PTPRT: variants seen among roughly 807,000 people sequenced by gnomAD.
PTPRT encodes the protein protein tyrosine phosphatase receptor type T, also known as receptor-type tyrosine-protein phosphatase T.
A neutral mutation model predicts 176.8 loss-of-function variants in PTPRT; 56 were observed. That is an observed-to-expected ratio of 0.32 (90% CI 0.26 to 0.40). The LOEUF is 0.40. PTPRT is among the 10% of genes least tolerant of loss of function. The pLI, the probability that PTPRT is intolerant of heterozygous loss-of-function variation, is 1.00. For synonymous variants in PTPRT, 783 were observed against 739.0 expected, an observed-to-expected ratio of 1.06 and a Z score of -0.96; for missense variants, 1,540 against 1,908.2, an observed-to-expected ratio of 0.81 and a Z score of 3.60.
intron 21 of PTPRT, 143 bp downstream of exon 21, chr20:42,118,260 T>C (rs567753267): frequency 3.0e-5 from 17 of 565,506 alleles, no homozygotes; most frequent in Non-Finnish European, 4.8e-5. Flanking sequence ...GAATGTGGAA[T>C]AGGAGTGATG....
chr20:42,932,823 T>C (rs1404906780), intron 1 of PTPRT, among the ~76,000 whole-genome samples: 4 of 152,192 alleles, frequency 2.6e-5, no homozygotes, highest in African/African-American at 9.7e-5. Flanking sequence ...TCAACAGGCG[T>C]CTACTGCCTT....
chr20:42,385,534 A>G (rs1032811134), intron 9 of PTPRT, among the ~76,000 whole-genome samples: 1 of 152,220 alleles, frequency 6.6e-6, no homozygotes, highest in Non-Finnish European at 1.5e-5. Flanking sequence ...TCTGATATAC[A>G]AGGCTGTACT....
rs113292670 is a variant in PTPRT, at chr20:42,467,429, G to T, written c.1450+4837C>A. 3.5e-3 allele frequency among the ~76,000 whole-genome samples: 540 copies of T among 152,172 alleles called. 4 individuals are homozygous for T. Among genetic ancestry groups the T allele is most frequent in the African/African-American group, 0.012 (493 of 41,504 alleles). ...CAAAATACAATGAGAAATATACATC[G>T]CCAACATAATGGTTTTGCCAAAGAT... On this transcript the variant is annotated intron_variant, in intron 8 of 30. Transcript: ENST00000373187.
chr20:42,282,049 C>T (rs1202553476), intron 13 of PTPRT, among the ~76,000 whole-genome samples: 1 of 151,956 alleles, frequency 6.6e-6, no homozygotes, highest in Non-Finnish European at 1.5e-5. Flanking sequence ...TACTAAAGGC[C>T]CCAGTACTAA....
intron 1 of PTPRT, among the ~76,000 whole-genome samples, chr20:43,163,873 T>C (rs1235054413): frequency 1.3e-5 from 2 of 152,194 alleles, no homozygotes; most frequent in African/African-American, 4.8e-5. Context: ...AACCTCTCCT[T>C]TACGAAATGT....
rs553454553 is a variant in PTPRT at position 42,091,990 on chromosome 20, G to A, written c.3847-6137C>T. ...CTTACCTACAGAAGAGTCTTGGGGT[G>A]GGAGGCAAGGCTCAGAGCAGGTTTA... On this transcript the variant is annotated intron_variant, in intron 27 of 30. Coordinates refer to ENST00000373187, the MANE Select transcript of PTPRT (RefSeq NM_007050.6). 6.9e-4 allele frequency among the ~76,000 whole-genome samples: 105 copies of A among 152,310 alleles called. 1 individual carries two copies. Among genetic ancestry groups the A allele is most frequent in the Admixed American group, 2.6e-3 (39 of 15,290 alleles).
intron 7 of PTPRT, among the ~76,000 whole-genome samples, chr20:42,520,567 A>T (rs574458536): frequency 2.3e-4 from 35 of 151,800 alleles, no homozygotes; most frequent in African/African-American, 8.0e-4. Context: ...CTACTCTCCA[A>T]TTTTCCCAGT....
intron 1 of PTPRT, among the ~76,000 whole-genome samples, chr20:42,906,073 C>A (rs1352948671): frequency 6.6e-6 from 1 of 151,998 alleles, no homozygotes; most frequent in African/African-American, 2.4e-5. Context: ...AAAAAAAGAA[C>A]CAAAACAAAA....
chr20:42,162,183 T>G (rs1989631638), intron 16 of PTPRT, among the ~76,000 whole-genome samples: 1 of 152,182 alleles, frequency 6.6e-6, no homozygotes, highest in Non-Finnish European at 1.5e-5. Flanking sequence ...TTGTATAGTT[T>G]CCCCATCACT....
chr20:42,388,129 A>T (rs1358415603), intron 9 of PTPRT, among the ~76,000 whole-genome samples: 2 of 152,146 alleles, frequency 1.3e-5, no homozygotes, highest in African/African-American at 4.8e-5. Flanking sequence ...ACAGTCCCCA[A>T]AATAAAGACT....
chr20:43,102,528 C>T (rs980632688), intron 1 of PTPRT, among the ~76,000 whole-genome samples: 10 of 152,108 alleles, frequency 6.6e-5, no homozygotes, highest in Admixed American at 3.3e-4. Flanking sequence ...GTCAGTGAGC[C>T]GCCCACCTCC....
At chr20:42,231,007 C>T (rs946136438) in intron 15 of PTPRT, among the ~76,000 whole-genome samples, 1 of 152,196 alleles carries the variant, frequency 6.6e-6, no homozygotes, top group Non-Finnish European at 1.5e-5. Flanking sequence ...GTGCCCTCAG[C>T]TCTGACTCCT....
intron 6 of PTPRT, among the ~76,000 whole-genome samples, chr20:42,722,517 G>A (rs561167584): frequency 5.3e-5 from 8 of 152,266 alleles, no homozygotes; most frequent in African/African-American, 1.9e-4. Flanking sequence ...CAAAAGAAAT[G>A]CCTGTCGATT....
At chr20:42,698,096 T>G (rs1368848188) in intron 6 of PTPRT, among the ~76,000 whole-genome samples, 1 of 152,164 alleles carries the variant, frequency 6.6e-6, no homozygotes, top group Non-Finnish European at 1.5e-5. Flanking sequence ...GAACTTCCTC[T>G]CCTACCTTTG....
chr20:42,579,690 G>A (rs186729879), intron 7 of PTPRT, among the ~76,000 whole-genome samples: 1 of 152,184 alleles, frequency 6.6e-6, no homozygotes, highest in East Asian at 1.9e-4. Context: ...ATGTCTTTTG[G>A]CTGCAAAAAT....
chr20:42,192,594 T>C (rs1991043404), intron 16 of PTPRT, among the ~76,000 whole-genome samples: 1 of 152,196 alleles, frequency 6.6e-6, no homozygotes, highest in African/African-American at 2.4e-5. Context: ...GGTGACTGTG[T>C]GCTGGCTGCC....
intron 2 of PTPRT, among the ~76,000 whole-genome samples, chr20:42,836,743 A>G (rs886379052): frequency 3.3e-5 from 5 of 152,238 alleles, no homozygotes; most frequent in Admixed American, 1.3e-4. Context: ...AAACTGGAAC[A>G]ACAAGGCCTA....
At chr20:43,098,770 A>G (rs577654721) in intron 1 of PTPRT, among the ~76,000 whole-genome samples, 165 of 152,300 alleles carry the variant, frequency 1.1e-3, no homozygotes, top group Middle Eastern at 0.01. Context: ...TACAAAGGCC[A>G]TGTTTTAAGC....
intron 7 of PTPRT, among the ~76,000 whole-genome samples, chr20:42,569,580 T>C (rs2073118915): frequency 6.6e-6 from 1 of 152,110 alleles, no homozygotes; most frequent in Non-Finnish European, 1.5e-5. Flanking sequence ...CCTGCTCCTC[T>C]CCACCAGCCT....
Sources: gnomAD v4.1 joint callset for allele counts (sites outside exome capture counted in the v4.1 genomes callset) on GRCh38, gnomAD v4.1.1 for gene constraint, MANE v1.5 for transcripts, NCBI Gene and HGNC (gene_info 2026-07-23, HGNC 2026-07-21) for gene names.